Variants in MEG3 observed in about 807,000 individuals in gnomAD.
MEG3 encodes Very putative protein from MEG3 locus.
chr14:100,849,921 A>G (rs2038018652), intron 3 of MEG3: 1 of 151,994 alleles, frequency 6.6e-6, no homozygotes, highest in South Asian at 2.1e-4. Flanking sequence ...ACACCTTTCA[A>G]AGAATAAATG....
chr14:100,826,940 G>A (rs1386271145), intron 1 of MEG3, among the ~76,000 whole-genome samples: 1 of 151,830 alleles, frequency 6.6e-6, no homozygotes, highest in Non-Finnish European at 1.5e-5. Context: ...AAGGGGGGTC[G>A]TGGGATTGGG....
chr14:100,832,611 G>C (rs560593825), downstream of MEG3: 1 of 152,600 alleles, frequency 6.6e-6, no homozygotes, highest in African/African-American at 2.4e-5. Context: ...CTTTGTCTGC[G>C]AAGGAAAAAC....
chr14:100,838,083 G>C (rs1372439071), intron 2 of MEG3, among the ~76,000 whole-genome samples: 1 of 152,130 alleles, frequency 6.6e-6, no homozygotes, highest in East Asian at 1.9e-4. Flanking sequence ...CTGGGGTCCT[G>C]GGGGGATCCT....
Position 100,837,158 on chromosome 14 carries a change from G to A in MEG3, n.3045+858G>A, listed in dbSNP as rs1251415767. 6.6e-6 allele frequency among the ~76,000 whole-genome samples: 1 copy of A among 152,150 alleles called. No homozygotes were observed. The highest frequency in any genetic ancestry group is 2.4e-5 in the African/African-American group (1 of 41,440). ...TTGCACAGCAGCCAGGCGAGGTGTC[G>A]TCGAGGGCGGGGGCTCAGGGTGGCA... On this transcript the variant is annotated intron_variant and non_coding_transcript_variant, in intron 2 of 3. Transcript: ENST00000398461. The surrounding 1 kb of genome is among the most constrained non-coding windows in gnomAD (Gnocchi z 5.8).
intron 1 of MEG3, chr14:100,826,443 G>A (rs930178342): frequency 1.3e-5 from 2 of 152,318 alleles, no homozygotes; most frequent in Non-Finnish European, 2.9e-5. Flanking sequence ...CCTCTCTGGA[G>A]GGTCCAGTCC....
At chr14:100,838,570 G>A (rs559247094) in intron 2 of MEG3, among the ~76,000 whole-genome samples, 4 of 152,334 alleles carry the variant, frequency 2.6e-5, no homozygotes, top group African/African-American at 9.6e-5. Flanking sequence ...CATAGCGGGT[G>A]GAGATGAGAC....
chr14:100,843,833 GTTTT>G (rs11307044), intron 2 of MEG3, among the ~76,000 whole-genome samples: 5 of 70,744 alleles, frequency 7.1e-5, no homozygotes, highest in African/African-American at 2.6e-4. Context: ...CCCGGGACCT[GTTTT>G]TTTTTTTTTT....
intron 2 of MEG3, among the ~76,000 whole-genome samples, chr14:100,843,781 C>G (rs1157918134): frequency 1.3e-5 from 2 of 150,816 alleles, no homozygotes; most frequent in Non-Finnish European, 2.9e-5. Context: ...TTGGGAGCCC[C>G]TGAAGACCTG....
At position 100,845,410 on chromosome 14, in the gene MEG3, C is replaced by G. The variant is rs144425654; in HGVS notation, n.3046-48C>G. The G allele has an allele frequency of 2.2e-6, 1 of 446,744 alleles. No individual in the cohort carries two copies. The highest frequency in any genetic ancestry group is 1.6e-5 in the South Asian group (1 of 63,164). 27.7% of individuals were successfully genotyped at this position (446,744 alleles called of 1,614,324 possible). A position where few individuals can be genotyped will look rare whatever the true frequency, so the allele number is the denominator to read the frequency against. ...CCTCATCCGCCCTCCTCCTCCTCGC[C>G]GGCCTGAGTGAGGTTCTACTCTGTG... On this transcript the variant is annotated intron_variant and non_coding_transcript_variant, in intron 2 of 3. Coordinates refer to the MEG3 transcript ENST00000398461. The surrounding 1 kb of genome is among the most constrained non-coding windows in gnomAD (Gnocchi z 5.2).
chr14:100,836,177 C>T (rs751598053), exon 2 of MEG3: 37 of 455,416 alleles, frequency 8.1e-5, no homozygotes, highest in Admixed American at 1.2e-4. Flanking sequence ...GCACGTGGGC[C>T]GTGGCCCGGC....
chr14:100,843,734 G>C (rs1349090709), intron 2 of MEG3, among the ~76,000 whole-genome samples: 1 of 152,028 alleles, frequency 6.6e-6, no homozygotes, highest in Admixed American at 6.6e-5. Flanking sequence ...GGGTGGGTTG[G>C]AGAGATCCCT....
chr14:100,835,142 G>C, exon 1 of MEG3: 1 of 293,662 alleles, frequency 3.4e-6, no homozygotes, highest in Non-Finnish European at 6.7e-6. Context: ...CCAGGGCTCT[G>C]CTCTGGTCGG....
chr14:100,827,205 C>T (rs977526913), intron 1 of MEG3, among the ~76,000 whole-genome samples: 1 of 152,158 alleles, frequency 6.6e-6, no homozygotes, highest in Non-Finnish European at 1.5e-5. Flanking sequence ...TCAAGCCCCC[C>T]CAGGCCGCCC....
chr14:100,844,588 T>C (rs1183229680), intron 2 of MEG3, among the ~76,000 whole-genome samples: 1 of 152,190 alleles, frequency 6.6e-6, no homozygotes, highest in Non-Finnish European at 1.5e-5. Flanking sequence ...CCGTGTGGTG[T>C]GGTCTGTTTG....
upstream of MEG3, chr14:100,856,527 AT>A (rs1281264014): frequency 6.6e-6 from 1 of 152,596 alleles, no homozygotes; most frequent in Non-Finnish European, 1.5e-5. Context: ...TTGAACTGTG[AT>A]TCTGGAAGGG....
intron 1 of MEG3, among the ~76,000 whole-genome samples, chr14:100,826,570 T>TA (rs1243098318): frequency 6.6e-6 from 1 of 152,140 alleles, no homozygotes; most frequent in African/African-American, 2.4e-5. Flanking sequence ...GGATTTCCTG[T>TA]ATTAGAAGCC....
At chr14:100,860,694 C>T (rs1304452639) in intron 1 of MEG3, 2 of 456,686 alleles carry the variant, frequency 4.4e-6, no homozygotes, top group Admixed American at 2.3e-5. Context: ...CTCTCAGCCT[C>T]CACAGCCACG....
chr14:100,836,839 G>A (rs1453074073), intron 2 of MEG3, among the ~76,000 whole-genome samples: 3 of 150,692 alleles, frequency 2.0e-5, no homozygotes, highest in Non-Finnish European at 1.5e-5. Flanking sequence ...AGTGGTTTTT[G>A]AGCAAGTTCT....
intron 3 of MEG3, chr14:100,846,040 C>G (rs1158346485): frequency 2.0e-5 from 3 of 152,408 alleles, no homozygotes; most frequent in Non-Finnish European, 2.9e-5. Flanking sequence ...TTTCTGTCTT[C>G]AAAGTTTCCG....
Sources: allele counts gnomAD v4.1 joint callset (sites outside exome capture counted in the v4.1 genomes callset), GRCh38; gene constraint gnomAD v4.1.1; non-coding constraint Gnocchi (gnomAD v3.1); transcripts MANE v1.5; gene names NCBI Gene and HGNC (gene_info 2026-07-23, HGNC 2026-07-21).